Variants in MVD observed in about 807,000 individuals in gnomAD.
MVD encodes diphosphomevalonate decarboxylase.
A neutral mutation model predicts 42.4 loss-of-function variants in MVD; 52 were observed. That is an observed-to-expected ratio of 1.23 (90% CI 0.98 to 1.55). The LOEUF is 1.55. MVD is among the 40% of genes most tolerant of loss of function. The probability of loss-of-function intolerance (pLI) is 0.00; values close to 1 mark genes in which losing one functional copy is unlikely to be tolerated. For missense variants in MVD, 663 were observed against 572.1 expected (o/e 1.16, Z -1.62); for synonymous variants, 287 against 243.2 (o/e 1.18, Z -1.68).
rs1051957479 is a variant in MVD at position 88,656,393 on chromosome 16, C to G, written c.404-89G>C. On this transcript the variant is annotated intron_variant, in intron 4 of 9. Coordinates refer to ENST00000301012, the MANE Select transcript of MVD (RefSeq NM_002461.3). ...ACCGCCCCAGGAACGTCCCACACCC[C>G]ACGGCAAATGGGGATTTCCAGATGA... is the stretch of plus-strand genomic sequence containing the variant. The G allele has an allele frequency of 2.2e-6, 3 of 1,388,192 alleles. No individual in the cohort carries two copies. The African/African-American group carries it at 4.3e-5, about 20-fold the overall frequency. 86.0% of individuals were successfully genotyped at this position (1,388,192 alleles called of 1,614,324 possible).
intron 1 of MVD, chr16:88,659,341 C>T (rs1216077858): frequency 6.4e-6 from 1 of 156,956 alleles, no homozygotes; most frequent in Non-Finnish European, 1.4e-5. Flanking sequence ...GGCAGAGAAC[C>T]ACGCCCTGCA....
Position 88,654,742 on chromosome 16 carries a change from C to A in MVD, c.963G>T (p.Glu321Asp). The change falls in exon 8 of 10, where the codon GAG becomes GAT. Residue 321 changes from glutamate (E) to aspartate (D), a missense_variant. By Grantham distance (45) the Glu-to-Asp change is conservative (BLOSUM62 2). Transcript: ENST00000301012. ...VIFTLDDTVAEFVAAVWHGFP... is the reference protein window; with the variant it reads ...VIFTLDDTVADFVAAVWHGFP... ...AGCCGTGCCACACAGCAGCCACAAA[C>A]TCAGCCACAGTGTCGTCCAGGGTGA... The A allele has an allele frequency of 6.2e-7, 1 of 1,604,022 alleles. No homozygotes were observed. The highest frequency in any genetic ancestry group is 8.5e-7 in the Non-Finnish European group (1 of 1,176,784).
At chr16:88,657,706 T>C in intron 3 of MVD, 124 bp from the exon 4 acceptor site, 1 of 1,431,852 alleles carries the variant, frequency 7.0e-7, no homozygotes, top group Non-Finnish European at 9.4e-7. Context: ...TCGTGGAGAG[T>C]TTCTTACCCG....
chr16:88,658,809 G>T, intron 1 of MVD, 89 bp from the exon 2 acceptor site: 1 of 991,556 alleles, frequency 1.0e-6, no homozygotes, highest in Non-Finnish European at 1.4e-6. Flanking sequence ...CCCCACCCAC[G>T]GCCCCCATCC....
Position 88,652,120 on chromosome 16 carries a change from G to A in MVD, c.*405C>T. On this transcript the variant is annotated 3_prime_UTR_variant, in exon 10 of 10. Transcript: ENST00000301012. ...CCGAGGCACTTGGTGGTTTCCTGAG[G>A]CCCAAGGAGGCTGCTCCCAGCACGG... 7.4e-6 allele frequency: 2 copies of A among 268,908 alleles called. No individual in the cohort carries two copies. The highest frequency in any genetic ancestry group is 3.6e-5 in the South Asian group (1 of 27,928). 16.7% of individuals were successfully genotyped at this position (268,908 alleles called of 1,614,324 possible). A position where few individuals can be genotyped will look rare whatever the true frequency, so the allele number is the denominator to read the frequency against.
chr16:88,654,079 C>T (rs1200518950), intron 8 of MVD, among the ~76,000 whole-genome samples: 1 of 152,046 alleles, frequency 6.6e-6, no homozygotes, highest in East Asian at 1.9e-4. Flanking sequence ...GAGGCTGGGC[C>T]AAGCTGTGCA....
chr16:88,656,237 G>A lies in MVD; in HGVS notation c.471C>T (p.Gly157=). Residue 157 remains glycine (G), a synonymous_variant, in exon 5 of 10, where the codon GGC becomes GGT. Transcript: ENST00000301012. ...DLSEVARRGS[G]SACRSLYGGF... is the part of the protein sequence containing the mutation. Reference sequence around the variant, plus strand: ...CCCCATACAGGCTCCGGCAGGCGCTGCCTGAGCCCCGGCGAGCCACTTCTG... The same window carrying A: ...CCCCATACAGGCTCCGGCAGGCGCTACCTGAGCCCCGGCGAGCCACTTCTG... 6.2e-7 allele frequency: 1 copy of A among 1,600,058 alleles called. No homozygotes were observed.
intron 9 of MVD, among the ~76,000 whole-genome samples, chr16:88,652,898 G>C (rs1907664320): frequency 6.6e-6 from 1 of 152,186 alleles, no homozygotes; most frequent in Non-Finnish European, 1.5e-5. Flanking sequence ...GCAATGGCTT[G>C]GGCGGCCGTG....
At chr16:88,658,770 C>A in intron 1 of MVD, 50 bp from the exon 2 acceptor site, 1 of 1,460,422 alleles carries the variant, frequency 6.8e-7, no homozygotes, top group Non-Finnish European at 9.3e-7. Context: ...GCCCACCCTC[C>A]CCCAGTGTTC....
intron 4 of MVD, 59 bp from the exon 5 acceptor site, chr16:88,656,363 A>G: frequency 6.4e-7 from 1 of 1,564,202 alleles, no homozygotes; most frequent in Non-Finnish European, 8.7e-7. Context: ...GCTCCCTGAC[A>G]GCTCACCGCC....
chr16:88,657,178 C>T (rs769956501), intron 4 of MVD: 13 of 665,096 alleles, frequency 2.0e-5, no homozygotes, highest in Non-Finnish European at 3.6e-5. Context: ...AACTCCTGGC[C>T]TACAGTGCTT....
intron 1 of MVD, 114 bp downstream of exon 1, chr16:88,662,897 C>T (rs1018703847): frequency 7.3e-6 from 11 of 1,497,648 alleles, no homozygotes; most frequent in Middle Eastern, 2.0e-4. Context: ...GTTTCCCCGT[C>T]TGTCGAGGCC....
At position 88,662,885 on chromosome 16, in the gene MVD, C is replaced by G. The variant is rs538345920; in HGVS notation, c.70+126G>C. The G allele has an allele frequency of 5.1e-5, 76 of 1,478,528 alleles. No individual in the cohort carries two copies. In the African/African-American group the frequency reaches 1.1e-3, roughly 21 times the overall value. 91.6% of individuals were successfully genotyped at this position (1,478,528 alleles called of 1,614,324 possible). A position where few individuals can be genotyped will look rare whatever the true frequency, so the allele number is the denominator to read the frequency against. ...CACCGCCGCGCCCCTCCCTGAGCCT[C>G]AGTTTCCCCGTCTGTCGAGGCCCTG... On this transcript the variant is annotated intron_variant, in intron 1 of 9. Coordinates refer to ENST00000301012, the MANE Select transcript of MVD (RefSeq NM_002461.3).
chr16:88,658,145 C>G (rs2142905248), intron 2 of MVD, 116 bp from the exon 3 acceptor site: 3 of 1,040,378 alleles, frequency 2.9e-6, no homozygotes, highest in Non-Finnish European at 4.3e-6. Context: ...GTCAGCCCTG[C>G]TGAGGGCAGG....
intron 1 of MVD, chr16:88,662,652 C>T: frequency 7.9e-7 from 1 of 1,260,500 alleles, no homozygotes; most frequent in South Asian, 1.4e-5. Context: ...GGCCATCCTC[C>T]CGCCTCAGCC....
intron 3 of MVD, 27 bp from the exon 4 acceptor site, chr16:88,657,609 G>T (rs1908016602): frequency 1.2e-6 from 2 of 1,604,198 alleles, no homozygotes; most frequent in South Asian, 2.2e-5. Flanking sequence ...ACAGCGTGTG[G>T]CCCAGCCGTC....
intron 1 of MVD, chr16:88,660,635 A>G (rs1908232669): frequency 6.6e-6 from 1 of 151,996 alleles, no homozygotes; most frequent in African/African-American, 2.4e-5. Context: ...TCGCAGTGAC[A>G]GTCTGTCTCA....
At chr16:88,658,953 G>T in intron 1 of MVD, 1 of 533,338 alleles carries the variant, frequency 1.9e-6, no homozygotes, top group South Asian at 2.0e-5. Context: ...CTCCGTCCCC[G>T]CTCCCCATTC....
intron 5 of MVD, 26 bp from the exon 6 acceptor site, chr16:88,655,756 C>A (rs1431990809): frequency 6.5e-7 from 1 of 1,549,240 alleles, no homozygotes; most frequent in Non-Finnish European, 8.7e-7. Flanking sequence ...ACAGCCTGGG[C>A]CACACCCTGC....
Sources: allele counts gnomAD v4.1 joint callset (sites outside exome capture counted in the v4.1 genomes callset), GRCh38; gene constraint gnomAD v4.1.1; transcripts MANE v1.5; gene names NCBI Gene and HGNC (gene_info 2026-07-23, HGNC 2026-07-21).